The following COG5 variants were observed in gnomAD, a reference collection of about 807,000 sequenced individuals.
COG5 encodes the protein component of oligomeric golgi complex 5, also known as conserved oligomeric Golgi complex subunit 5.
Under a neutral mutation model 110.4 loss-of-function variants are expected in COG5, and 86 were observed. The ratio of observed to expected loss-of-function variants is 0.78; its 90% CI spans 0.65 to 0.93. The LOEUF (loss-of-function observed/expected upper bound fraction) is 0.93. Ranked by LOEUF, COG5 falls within the 40% of genes least tolerant of loss-of-function variation. COG5 has a pLI of 0.00. For synonymous variants in COG5, 360 were observed against 334.6 expected, an observed-to-expected ratio of 1.08 and a Z score of -0.83; for missense variants, 1,077 against 987.0, an observed-to-expected ratio of 1.09 and a Z score of -1.22.
rs199618942 is a variant in COG5 at position 107,399,212 on chromosome 7, TTAAAA to T, written c.669+13285_669+13289del. 2.6e-4 allele frequency among the ~76,000 whole-genome samples: 39 copies of T among 151,444 alleles called. 1 individual carries two copies. The East Asian group carries it at 7.5e-3, about 29-fold the overall frequency. On this transcript the variant is annotated intron_variant, in intron 7 of 21. Coordinates refer to ENST00000297135, the MANE Select transcript of COG5 (RefSeq NM_006348.5). ...GCGAGACTCTGTCTGAAAAAAAAAGTTAAAATAAATAAATAAGTTTACTAAAACTC... is the reference window on the plus strand; with the variant it reads ...GCGAGACTCTGTCTGAAAAAAAAAGTTAAATAAATAAGTTTACTAAAACTC...
At chr7:107,362,201 G>A in intron 9 of COG5, 91 bp from the exon 10 acceptor site, 4 of 1,319,568 alleles carry the variant, frequency 3.0e-6, no homozygotes, top group Non-Finnish European at 3.2e-6. Context: ...AGCTAGTGGA[G>A]GTATTTTGAA....
chr7:107,330,717 T>C (rs1010453520), intron 10 of COG5, among the ~76,000 whole-genome samples: 5 of 152,174 alleles, frequency 3.3e-5, no homozygotes, highest in Admixed American at 6.5e-5. Flanking sequence ...TCTAGAAAGG[T>C]GACTTCATCT....
Position 107,362,030 on chromosome 7 carries a change from T to C in COG5, c.1026+3A>G. 6.3e-7 allele frequency: 1 copy of C among 1,580,736 alleles called. No homozygotes were observed. Among genetic ancestry groups the C allele is most frequent in the Non-Finnish European group, 8.7e-7 (1 of 1,152,062 alleles). On this transcript the variant is annotated splice_donor_region_variant and intron_variant, in intron 10 of 21. Transcript: ENST00000297135. ...ATGTAAAAATATTTTCCTTTAAACATACCTTAACTATTTCTTCAATGAAAC... is the reference window on the plus strand; with the variant it reads ...ATGTAAAAATATTTTCCTTTAAACACACCTTAACTATTTCTTCAATGAAAC...
intron 7 of COG5, among the ~76,000 whole-genome samples, chr7:107,393,558 G>A (rs575123585): frequency 6.6e-6 from 1 of 152,156 alleles, no homozygotes; most frequent in Admixed American, 6.5e-5. Context: ...TACCAAGGGG[G>A]TGGGCCCACA....
chr7:107,298,128 T>C lies in COG5; in HGVS notation c.1313+14A>G. 1.4e-6 allele frequency: 2 copies of C among 1,441,922 alleles called. No homozygotes were observed. Among genetic ancestry groups the C allele is most frequent in the Non-Finnish European group, 1.9e-6 (2 of 1,067,712 alleles). The allele number at this position is 1,441,922 out of a possible 1,614,324, so 89.3% of individuals were successfully genotyped here. A position where few individuals can be genotyped will look rare whatever the true frequency, so the allele number is the denominator to read the frequency against. On this transcript the variant is annotated intron_variant, in intron 12 of 21. Transcript: ENST00000297135. ...TTAAGATGCCAACTAACAGGTCAAA[T>C]TAAACAAACATACTCATAATCTGGC... is the stretch of plus-strand genomic sequence containing the variant.
chr7:107,532,969 C>T (rs1427278395), intron 5 of COG5, among the ~76,000 whole-genome samples: 1 of 152,176 alleles, frequency 6.6e-6, no homozygotes, highest in Non-Finnish European at 1.5e-5. Context: ...ACTAGTCTCA[C>T]GGTGATTTTT....
chr7:107,243,731 C>T (rs1801834224), intron 17 of COG5, among the ~76,000 whole-genome samples: 1 of 145,528 alleles, frequency 6.9e-6, no homozygotes, highest in East Asian at 2.0e-4. Flanking sequence ...CTTCTCATCA[C>T]CACGTCACAT....
chr7:107,210,440 A>G (rs1799078508), intron 21 of COG5, 86 bp downstream of exon 21: 2 of 1,539,786 alleles, frequency 1.3e-6, no homozygotes, highest in Admixed American at 2.0e-5. Flanking sequence ...CCATGCCCCC[A>G]GGCACTGCTC....
intron 10 of COG5, among the ~76,000 whole-genome samples, chr7:107,331,828 C>T (rs908784328): frequency 1.3e-5 from 2 of 150,448 alleles, no homozygotes; most frequent in East Asian, 3.9e-4. Context: ...GTGGAGATGA[C>T]CCTGCTTGCC....
chr7:107,269,484 A>G (rs950138088), intron 14 of COG5, among the ~76,000 whole-genome samples: 2 of 152,116 alleles, frequency 1.3e-5, no homozygotes, highest in African/African-American at 4.8e-5. Flanking sequence ...CAAAAAAAAA[A>G]AAAAAAATTA....
chr7:107,318,407 A>C (rs1214621103), intron 11 of COG5, among the ~76,000 whole-genome samples: 1 of 152,232 alleles, frequency 6.6e-6, no homozygotes, highest in Non-Finnish European at 1.5e-5. Context: ...ACTCATTTAA[A>C]GAAAGAAAAT....
At chr7:107,449,638 G>A (rs570657726) in intron 6 of COG5, among the ~76,000 whole-genome samples, 2 of 152,256 alleles carry the variant, frequency 1.3e-5, no homozygotes, top group African/African-American at 2.4e-5. Flanking sequence ...TGATGTTGTT[G>A]GAAGTGTTTC....
intron 11 of COG5, among the ~76,000 whole-genome samples, chr7:107,318,308 G>A (rs1808943484): frequency 6.6e-6 from 1 of 152,132 alleles, no homozygotes. Context: ...TTACAGGCAT[G>A]AGCCATAGCA....
chr7:107,474,717 A>G lies in COG5; in HGVS notation c.538+52520T>C. 6.2e-7 allele frequency: 1 copy of G among 1,611,310 alleles called. No homozygotes were observed. The highest frequency in any genetic ancestry group is 8.5e-7 in the Non-Finnish European group (1 of 1,178,504). ...ATCACCTGTTAGTACAGATCCCAAT[A>G]TTCTTTTTCACTGTTGTAGTAATGT... On this transcript the variant is annotated intron_variant, in intron 6 of 21. Transcript: ENST00000297135. This position sits in a 1 kb window ranked among gnomAD's most constrained non-coding sequence, Gnocchi z 5.7.
chr7:107,224,625 C>G (rs533230810), intron 19 of COG5, among the ~76,000 whole-genome samples: 24 of 152,356 alleles, frequency 1.6e-4, no homozygotes, highest in African/African-American at 5.3e-4. Context: ...CTTTTCTGCC[C>G]TTTGCCTCAC....
At chr7:107,514,309 T>A (rs1799761412) in intron 6 of COG5, among the ~76,000 whole-genome samples, 1 of 150,064 alleles carries the variant, frequency 6.7e-6, no homozygotes, top group African/African-American at 2.5e-5. Flanking sequence ...ATACATTTTC[T>A]ATATAAACAT....
At position 107,403,728 on chromosome 7, in the gene COG5, C is replaced by A. The variant is rs1213090205; in HGVS notation, c.669+8774G>T. On this transcript the variant is annotated intron_variant, in intron 7 of 21. Transcript: ENST00000297135. ...CTTTTATAAGGGCACTAATCCCATT[C>A]AAGAGAGTCCCACCTTCATGACCTG... Among the ~76,000 whole-genome samples the A allele has an allele frequency of 5.3e-5, 8 of 152,096 alleles. No homozygotes were observed. In the South Asian group the frequency reaches 6.2e-4, roughly 12 times the overall value.
chr7:107,281,197 A>G, intron 14 of COG5, 103 bp downstream of exon 14: 2 of 808,782 alleles, frequency 2.5e-6, no homozygotes, highest in African/African-American at 1.7e-5. Context: ...TAAAAATGGA[A>G]GTAAGTAAAT....
chr7:107,429,682 G>A (rs1793883049), intron 6 of COG5, among the ~76,000 whole-genome samples: 1 of 152,130 alleles, frequency 6.6e-6, no homozygotes, highest in South Asian at 2.1e-4. Context: ...TTGTGAGAGG[G>A]ACCTGGTGGG....
Sources: gnomAD v4.1 joint callset for allele counts (sites outside exome capture counted in the v4.1 genomes callset) on GRCh38, gnomAD v4.1.1 for gene constraint, Gnocchi (gnomAD v3.1) non-coding constraint, MANE v1.5 for transcripts, NCBI Gene and HGNC (gene_info 2026-07-23, HGNC 2026-07-21) for gene names.